The following NLRP4 variants were observed in gnomAD, a reference collection of about 807,000 sequenced individuals.
NLRP4 encodes the protein NACHT, LRR and PYD domains-containing protein 4.
In NLRP4, 44 loss-of-function variants were observed where a neutral mutation model predicts 84.7. The observed-to-expected ratio is 0.52, with a 90% CI of 0.41 to 0.67. NLRP4 has a LOEUF of 0.67. Ranked by LOEUF, NLRP4 falls within the 30% of genes least tolerant of loss-of-function variation. The pLI is 0.00. For missense variants in NLRP4, 1,260 were observed against 1,219.4 expected (o/e 1.03, Z -0.50); for synonymous variants, 544 against 476.4 (o/e 1.14, Z -1.85).
intron 1 of NLRP4, among the ~76,000 whole-genome samples, chr19:55,842,338 G>C (rs1028313630): frequency 2.6e-5 from 4 of 151,948 alleles, no homozygotes; most frequent in Non-Finnish European, 4.4e-5. Context: ...ATCTGTTCTA[G>C]GTTCCTATTT....
chr19:55,846,117 A>T (rs566377558), intron 1 of NLRP4, among the ~76,000 whole-genome samples: 6 of 152,198 alleles, frequency 3.9e-5, no homozygotes, highest in Admixed American at 1.3e-4. Context: ...CCTGAATGGT[A>T]ATGCCTAGGT....
At chr19:55,844,067 A>G (rs1171467756) in intron 1 of NLRP4, among the ~76,000 whole-genome samples, 1 of 152,186 alleles carries the variant, frequency 6.6e-6, no homozygotes, top group Non-Finnish European at 1.5e-5. Flanking sequence ...AGCTTAAGCA[A>G]CAGAAACTTA....
At chr19:55,842,961 G>T (rs57309041) in intron 1 of NLRP4, among the ~76,000 whole-genome samples, 38 of 151,130 alleles carry the variant, frequency 2.5e-4, no homozygotes, top group Non-Finnish European at 3.3e-4. Flanking sequence ...GGGTTTCACC[G>T]TGTTAGCCAG....
At chr19:55,859,936 AAAAAAAAAAAAAAAAAC>A (rs1443695426) in intron 3 of NLRP4, among the ~76,000 whole-genome samples, 47 of 127,722 alleles carry the variant, frequency 3.7e-4, no homozygotes, top group East Asian at 1.0e-3. Context: ...CAAAAAAAAA[AAAAAAAAAAAAAAAAAC>A]AAAACACAAA....
chr19:55,838,591 A>G (rs1390081893), intron 1 of NLRP4, among the ~76,000 whole-genome samples: 2 of 152,138 alleles, frequency 1.3e-5, no homozygotes, highest in African/African-American at 4.8e-5. Flanking sequence ...CGCTATTAAA[A>G]GAAAAAAATG....
Position 55,867,802 on chromosome 19 carries a change from C to T in NLRP4, c.2280C>T (p.Cys760=). The T allele has an allele frequency of 3.7e-6, 6 of 1,614,178 alleles. No individual in the cohort carries two copies. Among genetic ancestry groups the T allele is most frequent in the Non-Finnish European group, 5.1e-6 (6 of 1,179,996 alleles). Reference sequence around the variant, plus strand: ...AGCTGACGTATCTGAATGTATCCTGCAACCAGTTAGACACAGGCGTGCCCC... The same window carrying T: ...AGCTGACGTATCTGAATGTATCCTGTAACCAGTTAGACACAGGCGTGCCCC... ...NKKLTYLNVS[C]NQLDTGVPLL... Residue 760 remains cysteine, a synonymous_variant, in exon 6 of 10, where the codon TGC becomes TGT. Transcript: ENST00000301295.
intron 1 of NLRP4, among the ~76,000 whole-genome samples, chr19:55,848,554 C>G (rs995568700): frequency 1.3e-5 from 2 of 152,118 alleles, no homozygotes; most frequent in African/African-American, 2.4e-5. Flanking sequence ...CAGGTACCCA[C>G]CACCACATCC....
At position 55,859,554 on chromosome 19, in the gene NLRP4, A is replaced by G. The variant is rs1002617450; in HGVS notation, c.1856+305A>G. 4.6e-5 allele frequency among the ~76,000 whole-genome samples: 7 copies of G among 152,252 alleles called. No individual in the cohort carries two copies. The East Asian group carries it at 9.7e-4, about 21-fold the overall frequency. On this transcript the variant is annotated intron_variant, in intron 3 of 9. Coordinates refer to ENST00000301295, the MANE Select transcript of NLRP4 (RefSeq NM_134444.5). ...TCTCAAGTATTAGCTGATCAGTACT[A>G]TAATCGATATTTTTCCATAGCACCA...
chr19:55,853,941 T>TTCTC (rs1238416966), intron 2 of NLRP4, among the ~76,000 whole-genome samples: 3 of 140,024 alleles, frequency 2.1e-5, no homozygotes, highest in African/African-American at 8.7e-5. Flanking sequence ...CTCTCTCTCT[T>TTCTC]TCTGTCTTTC....
At chr19:55,870,124 T>A (rs1347674841) in intron 6 of NLRP4, among the ~76,000 whole-genome samples, 1 of 151,758 alleles carries the variant, frequency 6.6e-6, no homozygotes. Flanking sequence ...TTGAACCTAC[T>A]GTGATTTTAA....
intron 1 of NLRP4, among the ~76,000 whole-genome samples, chr19:55,850,071 G>A (rs1280363179): frequency 6.9e-6 from 1 of 143,922 alleles, no homozygotes; most frequent in Non-Finnish European, 1.5e-5. Context: ...TGGAATTTCC[G>A]AGACTGCGGT....
At chr19:55,875,798 G>A (rs1985345138) in intron 7 of NLRP4, among the ~76,000 whole-genome samples, 1 of 151,988 alleles carries the variant, frequency 6.6e-6, no homozygotes, top group African/African-American at 2.4e-5. Context: ...GGAGGCTCAG[G>A]TGGGTGGATC....
At position 55,877,038 on chromosome 19, in the gene NLRP4, C is replaced by G. The variant is rs369498257; in HGVS notation, c.2568C>G (p.Leu856=). Residue 856 remains leucine (L), a synonymous_variant, in exon 8 of 10, where the codon CTC becomes CTG. Coordinates refer to ENST00000301295, the MANE Select transcript of NLRP4 (RefSeq NM_134444.5). ...TCACTGCTGCTGGCTGTGAAGACCT[C>G]GCCTCTGCTCTCATCAGCAATCAAA... The part of the protein sequence containing the change: ...CFITAAGCED[L]ASALISNQNL... The G allele has an allele frequency of 5.7e-5, 92 of 1,613,784 alleles. No individual in the cohort carries two copies. Among genetic ancestry groups the G allele is most frequent in the Middle Eastern group, 1.6e-4 (1 of 6,082 alleles).
At chr19:55,859,385 C>T in intron 3 of NLRP4, 136 bp downstream of exon 3, 1 of 681,290 alleles carries the variant, frequency 1.5e-6, no homozygotes, top group Non-Finnish European at 2.4e-6. Context: ...AGCTCACATC[C>T]TGGCCCAACA....
At chr19:55,839,271 A>C (rs541101484) in intron 1 of NLRP4, among the ~76,000 whole-genome samples, 89 of 151,636 alleles carry the variant, frequency 5.9e-4, no homozygotes, top group African/African-American at 2.1e-3. Flanking sequence ...AGGATGATGT[A>C]AACCTGTTTT....
In NLRP4 at chr19:55,881,782, G is replaced by T. The variant is rs1029838856; in HGVS notation, c.*195G>T. 3.2e-5 allele frequency: 13 copies of T among 411,968 alleles called. No homozygotes were observed. In the Admixed American group the frequency reaches 4.6e-4, roughly 15 times the overall value. The allele number at this position is 411,968 out of a possible 1,614,324, so 25.5% of individuals were successfully genotyped here. On this transcript the variant is annotated 3_prime_UTR_variant, in exon 10 of 10. Transcript: ENST00000301295. ...GTGGCCTTGGATGAGTCACTGAAAGGCCTTCATGGTCTCTCGGTCTCACAA... is the reference window on the plus strand; with the variant it reads ...GTGGCCTTGGATGAGTCACTGAAAGTCCTTCATGGTCTCTCGGTCTCACAA...
intron 2 of NLRP4, among the ~76,000 whole-genome samples, chr19:55,857,018 A>G (rs1337517857): frequency 1.3e-5 from 2 of 152,236 alleles, no homozygotes; most frequent in Non-Finnish European, 2.9e-5. Context: ...ATATGTGTAT[A>G]TAAATCCCTT....
Position 55,857,967 on chromosome 19 carries a change from G to T in NLRP4, c.574G>T (p.Glu192Ter), listed in dbSNP as rs1984514640. The change falls in exon 3 of 10, where the codon GAA becomes TAA. Residue 192 changes from glutamate (E) to a stop codon, truncating the protein, a stop_gained. Coordinates refer to ENST00000301295, the MANE Select transcript of NLRP4 (RefSeq NM_134444.5). LOFTEE classifies it high-confidence loss of function. ...GTACACGTTCTATTTCTGCTGCAGA[G>T]AACTGAGGGAGTTGCCGCCAACGAG... ...FLYTFYFCCRELRELPPTSLA... is the reference protein window; with the variant it reads ...FLYTFYFCCR 2 of 1,614,138 alleles carry T rather than the reference G, an allele frequency of 1.2e-6. No individual in the cohort carries two copies. The highest frequency in any genetic ancestry group is 1.7e-6 in the Non-Finnish European group (2 of 1,180,002).
At chr19:55,843,679 T>G (rs568076948) in intron 1 of NLRP4, among the ~76,000 whole-genome samples, 1 of 152,006 alleles carries the variant, frequency 6.6e-6, no homozygotes, top group East Asian at 1.9e-4. Context: ...GCAACAAGAG[T>G]GAAACTGTCT....
Sources: allele counts gnomAD v4.1 joint callset (sites outside exome capture counted in the v4.1 genomes callset), GRCh38; gene constraint gnomAD v4.1.1; transcripts MANE v1.5; gene names NCBI Gene and HGNC (gene_info 2026-07-23, HGNC 2026-07-21).